The following FBXO11 variants were observed in gnomAD, a reference collection of about 807,000 sequenced individuals.
The protein encoded by FBXO11 is F-box protein 11.
In FBXO11, 13 loss-of-function variants were observed where a neutral mutation model predicts 117.0. The ratio of observed to expected loss-of-function variants is 0.11; its 90% CI spans 0.07 to 0.18. FBXO11 has a LOEUF of 0.18. Ranked by LOEUF, FBXO11 falls within the 10% of genes least tolerant of loss-of-function variation. The pLI, the probability that FBXO11 is intolerant of heterozygous loss-of-function variation, is 1.00. For missense variants in FBXO11, 767 were observed against 1,164.4 expected (o/e 0.66, Z 4.97); for synonymous variants, 490 against 380.5 (o/e 1.29, Z -3.35).
rs1670303440 is a variant in FBXO11 at position 47,807,519 on chromosome 2, C to T, written c.*599G>A. ...TTTTCTCTTTCATAGAAAGAACGTACATACTGGGACATGAGTACAGTTACA... is the reference window on the plus strand; with the variant it reads ...TTTTCTCTTTCATAGAAAGAACGTATATACTGGGACATGAGTACAGTTACA... On this transcript the variant is annotated 3_prime_UTR_variant, in exon 23 of 23. Coordinates refer to ENST00000403359, the MANE Select transcript of FBXO11 (RefSeq NM_001190274.2). 1 of 210,110 alleles carries T rather than the reference C, an allele frequency of 4.8e-6. No homozygotes were observed. Among genetic ancestry groups the T allele is most frequent in the African/African-American group, 2.3e-5 (1 of 44,048 alleles). 13.0% of individuals were successfully genotyped at this position (210,110 alleles called of 1,614,324 possible).
Position 47,875,933 on chromosome 2 carries a change from A to G in FBXO11, c.232+29556T>C, listed in dbSNP as rs142973368. On this transcript the variant is annotated intron_variant, in intron 1 of 22. Coordinates refer to ENST00000403359, the MANE Select transcript of FBXO11 (RefSeq NM_001190274.2). Reference sequence around the variant, plus strand: ...GTTAAAAAAGAAAAGCAGCAGCAGCAGCAAACATGTATAGAGTAGTACTAA... The same window carrying G: ...GTTAAAAAAGAAAAGCAGCAGCAGCGGCAAACATGTATAGAGTAGTACTAA... 2.6e-5 allele frequency among the ~76,000 whole-genome samples: 4 copies of G among 152,356 alleles called. No individual in the cohort carries two copies. The East Asian group carries it at 7.7e-4, about 29-fold the overall frequency.
rs570605965 is a variant in FBXO11, at chr2:47,842,428, G to C, written c.233-2659C>G. Among the ~76,000 whole-genome samples, 5 of 152,290 alleles carry C rather than the reference G, an allele frequency of 3.3e-5. No individual in the cohort carries two copies. The South Asian group carries it at 1.0e-3, about 32-fold the overall frequency. On this transcript the variant is annotated intron_variant, in intron 1 of 22. Coordinates refer to ENST00000403359, the MANE Select transcript of FBXO11 (RefSeq NM_001190274.2). ...TAATACCTTAATAATAACTCAACAA[G>C]CTGTGTATTTGTGTTTTATGTAGGT...
At chr2:47,891,181 T>C (rs1439649622) in intron 1 of FBXO11, among the ~76,000 whole-genome samples, 1 of 152,192 alleles carries the variant, frequency 6.6e-6, no homozygotes, top group Non-Finnish European at 1.5e-5. Flanking sequence ...TGTTTAAGTG[T>C]ACAATACAGT....
At chr2:47,847,092 G>T (rs147915166) in intron 1 of FBXO11, among the ~76,000 whole-genome samples, 162 of 151,866 alleles carry the variant, frequency 1.1e-3, no homozygotes, top group Admixed American at 1.8e-3. Context: ...AAAAATAAAA[G>T]AAATCAGCCA....
At chr2:47,823,749 G>A (rs972424624) in intron 11 of FBXO11, among the ~76,000 whole-genome samples, 5 of 151,370 alleles carry the variant, frequency 3.3e-5, no homozygotes, top group Admixed American at 6.6e-5. Context: ...GCAAAACTCC[G>A]TCTCAAAAAA....
intron 11 of FBXO11, among the ~76,000 whole-genome samples, chr2:47,830,522 G>C (rs1672098462): frequency 6.6e-6 from 1 of 152,196 alleles, no homozygotes; most frequent in South Asian, 2.1e-4. Context: ...ATAACTGTAG[G>C]AATGCAAATA....
chr2:47,846,933 TC>T, intron 1 of FBXO11, among the ~76,000 whole-genome samples: 1 of 152,258 alleles, frequency 6.6e-6, no homozygotes, highest in South Asian at 2.1e-4. Flanking sequence ...CAGTCACTTA[TC>T]ACTTAAAGAC....
chr2:47,848,349 T>C (rs1673582668), intron 1 of FBXO11, among the ~76,000 whole-genome samples: 1 of 152,160 alleles, frequency 6.6e-6, no homozygotes, highest in African/African-American at 2.4e-5. Context: ...GTGAACCCTA[T>C]TGTGAACTGC....
intron 1 of FBXO11, among the ~76,000 whole-genome samples, chr2:47,894,212 C>T (rs182215601): frequency 7.2e-5 from 11 of 152,232 alleles, no homozygotes; most frequent in African/African-American, 2.4e-4. Flanking sequence ...TCCTCCTATA[C>T]ACCAGGAACG....
chr2:47,889,555 G>C (rs1218747706), intron 1 of FBXO11, among the ~76,000 whole-genome samples: 2 of 151,754 alleles, frequency 1.3e-5, no homozygotes, highest in African/African-American at 2.4e-5. Flanking sequence ...ATGTTTCAAA[G>C]TCCTACATTT....
At chr2:47,813,763 C>CTGTGTT (rs776766072) in intron 17 of FBXO11, 28 bp downstream of exon 17, 1 of 1,337,790 alleles carries the variant, frequency 7.5e-7, no homozygotes, top group Non-Finnish European at 1.0e-6. Flanking sequence ...TTTATTAACA[C>CTGTGTT]AGAAAAAAGA....
At chr2:47,876,627 A>G (rs1676026258) in intron 1 of FBXO11, among the ~76,000 whole-genome samples, 1 of 152,228 alleles carries the variant, frequency 6.6e-6, no homozygotes, top group South Asian at 2.1e-4. Flanking sequence ...AATTTAACTA[A>G]TATTTTAGTG....
chr2:47,897,792 G>A (rs1201320164), intron 1 of FBXO11, among the ~76,000 whole-genome samples: 4 of 151,478 alleles, frequency 2.6e-5, no homozygotes, highest in Non-Finnish European at 5.9e-5. Context: ...GAAAAGGAGT[G>A]TTGTTCACTA....
At chr2:47,868,387 C>CCA (rs950986438) in intron 1 of FBXO11, among the ~76,000 whole-genome samples, 7 of 151,864 alleles carry the variant, frequency 4.6e-5, no homozygotes, top group African/African-American at 1.5e-4. Context: ...TCACAATATG[C>CCA]CACAGTGTGG....
intron 1 of FBXO11, among the ~76,000 whole-genome samples, chr2:47,884,989 A>G (rs1676710365): frequency 6.6e-6 from 1 of 152,216 alleles, no homozygotes; most frequent in Non-Finnish European, 1.5e-5. Context: ...TTCTGGTAAG[A>G]ATATAGCAAC....
intron 1 of FBXO11, among the ~76,000 whole-genome samples, chr2:47,851,234 T>G (rs894724726): frequency 2.0e-5 from 3 of 152,186 alleles, no homozygotes; most frequent in East Asian, 1.9e-4. Flanking sequence ...TTTCTTTTCT[T>G]TTCTTTTTTT....
chr2:47,843,951 G>C (rs889125248), intron 1 of FBXO11, among the ~76,000 whole-genome samples: 2 of 152,076 alleles, frequency 1.3e-5, no homozygotes, highest in Non-Finnish European at 2.9e-5. Context: ...ATGTTGGCCA[G>C]GATGGTCTCG....
intron 18 of FBXO11, among the ~76,000 whole-genome samples, chr2:47,812,668 T>G (rs1193054657): frequency 1.3e-5 from 2 of 152,220 alleles, no homozygotes; most frequent in Admixed American, 6.5e-5. Flanking sequence ...TATTGACATT[T>G]CAGGAACAGC....
chr2:47,820,467 A>G lies in FBXO11; in HGVS notation c.1703-11T>C. 1 of 1,603,252 alleles carries G rather than the reference A, an allele frequency of 6.2e-7. No homozygotes were observed. Among genetic ancestry groups the G allele is most frequent in the Non-Finnish European group, 8.5e-7 (1 of 1,170,862 alleles). ...CTGCTAATGCATTGCCTATTTAAAA[A>G]TAAAAGTTACAAGGTCAACATTTGT... On this transcript the variant is annotated splice_polypyrimidine_tract_variant and intron_variant, in intron 13 of 22. Coordinates refer to ENST00000403359, the MANE Select transcript of FBXO11 (RefSeq NM_001190274.2).
Sources: gnomAD v4.1 joint callset for allele counts (sites outside exome capture counted in the v4.1 genomes callset) on GRCh38, gnomAD v4.1.1 for gene constraint, MANE v1.5 for transcripts, NCBI Gene and HGNC (gene_info 2026-07-23, HGNC 2026-07-21) for gene names.